SPSB1: variants seen among roughly 807,000 people sequenced by gnomAD.
The protein encoded by SPSB1 is SPRY domain-containing SOCS box protein 1.
A neutral mutation model predicts 21.2 loss-of-function variants in SPSB1; 8 were observed. The observed-to-expected ratio is 0.38, with a 90% CI of 0.22 to 0.68. The LOEUF is 0.68. Ranked by LOEUF, SPSB1 falls within the 30% of genes least tolerant of loss-of-function variation. The probability of loss-of-function intolerance (pLI) is 0.53; values close to 1 mark genes in which losing one functional copy is unlikely to be tolerated. For synonymous variants in SPSB1, 169 were observed against 161.7 expected, an observed-to-expected ratio of 1.05 and a Z score of -0.34; for missense variants, 242 against 377.8, an observed-to-expected ratio of 0.64 and a Z score of 2.98.
In SPSB1 at chr1:9,367,324, T is replaced by C; in HGVS notation, c.695-124T>C. 6.5e-7 allele frequency: 1 copy of C among 1,536,496 alleles called. No homozygotes were observed. Among genetic ancestry groups the C allele is most frequent in the Non-Finnish European group, 8.9e-7 (1 of 1,128,126 alleles). ...AATTTAAAATGAAAAAGCATTGCAT[T>C]TTTCATTGTTTCTTTACTGATTTGA... is the stretch of plus-strand genomic sequence containing the variant. On this transcript the variant is annotated intron_variant, in intron 2 of 2. Coordinates refer to ENST00000328089, the MANE Select transcript of SPSB1 (RefSeq NM_025106.4). The surrounding 1 kb of genome is among the most constrained non-coding windows in gnomAD (Gnocchi z 5.9).
chr1:9,355,598 A>G, intron 1 of SPSB1, 145 bp from the exon 2 acceptor site: 1 of 931,432 alleles, frequency 1.1e-6, no homozygotes, highest in East Asian at 4.2e-5. Context: ...TTCTGCGCCA[A>G]GGCTCCAGCC....
intron 1 of SPSB1, among the ~76,000 whole-genome samples, chr1:9,341,603 G>GTTGT (rs1370568464): frequency 6.6e-6 from 1 of 152,212 alleles, no homozygotes; most frequent in Non-Finnish European, 1.5e-5. Context: ...TCTTGTCCAT[G>GTTGT]TTGTTTGTTC....
chr1:9,361,439 G>A lies in SPSB1; in HGVS notation c.694+4854G>A, dbSNP rs531384718. Among the ~76,000 whole-genome samples the A allele has an allele frequency of 9.9e-5, 15 of 152,176 alleles. 1 individual carries two copies. In the South Asian group the frequency reaches 2.3e-3, roughly 23 times the overall value. The stretch of plus-strand genomic sequence containing the variant: ...CCCCTGGATTCGACTTCCACGAGGG[G>A]CAGCTGTTTGTAGGGCAGCTCCAGC... On this transcript the variant is annotated intron_variant, in intron 2 of 2. Transcript: ENST00000328089.
intron 1 of SPSB1, among the ~76,000 whole-genome samples, chr1:9,352,139 G>A (rs1569645083): frequency 1.3e-5 from 2 of 152,222 alleles, no homozygotes; most frequent in East Asian, 3.8e-4. Context: ...GGTTTAGGGA[G>A]CTCAGCCCAG....
At chr1:9,361,254 C>T (rs1321971118) in intron 2 of SPSB1, among the ~76,000 whole-genome samples, 2 of 147,410 alleles carry the variant, frequency 1.4e-5, no homozygotes, top group African/African-American at 5.1e-5. Flanking sequence ...CCTCCTGCCT[C>T]GGTCTTCCAA....
intron 1 of SPSB1, among the ~76,000 whole-genome samples, chr1:9,296,321 A>G (rs1033684050): frequency 1.3e-5 from 2 of 152,202 alleles, no homozygotes; most frequent in African/African-American, 4.8e-5. Flanking sequence ...TCTCGCGGCA[A>G]GGGAATGGTG....
At position 9,292,924 on chromosome 1, in the gene SPSB1, G is replaced by A. The variant is rs1639142341; in HGVS notation, c.-297G>A. 1 of 974,030 alleles carries A rather than the reference G, an allele frequency of 1.0e-6. No individual in the cohort carries two copies. The highest frequency in any genetic ancestry group is 1.2e-6 in the Non-Finnish European group (1 of 826,470). The allele number at this position is 974,030 out of a possible 1,614,324, so 60.3% of individuals were successfully genotyped here. ...GAAGTCGCGCTCGGGCAGCCTGCGC[G>A]CTCGCAGCAGGAACCAGGCTCCAGG... is the stretch of plus-strand genomic sequence containing the variant. On this transcript the variant is annotated 5_prime_UTR_variant, in exon 1 of 3. Coordinates refer to ENST00000328089, the MANE Select transcript of SPSB1 (RefSeq NM_025106.4).
intron 1 of SPSB1, among the ~76,000 whole-genome samples, chr1:9,355,508 C>G (rs1263275184): frequency 1.3e-5 from 2 of 152,248 alleles, no homozygotes; most frequent in Non-Finnish European, 2.9e-5. Flanking sequence ...ATCCCCCAAG[C>G]CCACCTCTCC....
At position 9,293,047 on chromosome 1, in the gene SPSB1, C is replaced by T. The variant is rs1473640010; in HGVS notation, c.-174C>T. 4.0e-5 allele frequency: 39 copies of T among 980,056 alleles called. No individual in the cohort carries two copies. In the African/African-American group the frequency reaches 6.2e-4, roughly 16 times the overall value. The allele number at this position is 980,056 out of a possible 1,614,324, so 60.7% of individuals were successfully genotyped here. On this transcript the variant is annotated 5_prime_UTR_variant, in exon 1 of 3. Transcript: ENST00000328089. The surrounding 1 kb of genome is among the most constrained non-coding windows in gnomAD (Gnocchi z 5.1). The stretch of plus-strand genomic sequence containing the variant: ...GAGCCTCCTCGGCCTTGGAGAGCAG[C>T]GGCGGCGGCGGCACCCCGGGCGCGG...
intron 1 of SPSB1, among the ~76,000 whole-genome samples, chr1:9,340,976 T>C (rs1194811986): frequency 6.6e-6 from 1 of 152,154 alleles, no homozygotes; most frequent in East Asian, 1.9e-4. Context: ...TTTCCAACAC[T>C]GGGCTGACTC....
chr1:9,365,302 C>T (rs1008907675), intron 2 of SPSB1, among the ~76,000 whole-genome samples: 2 of 151,812 alleles, frequency 1.3e-5, no homozygotes, highest in African/African-American at 2.4e-5. Context: ...TTTTTTGTAG[C>T]GATGAGGTCT....
chr1:9,353,735 A>G (rs896925109), intron 1 of SPSB1, among the ~76,000 whole-genome samples: 8 of 152,124 alleles, frequency 5.3e-5, no homozygotes, highest in Non-Finnish European at 2.9e-5. Flanking sequence ...CCTGGACAAC[A>G]TGGTGAAACC....
chr1:9,322,144 C>G (rs560820944), intron 1 of SPSB1, among the ~76,000 whole-genome samples: 2 of 152,116 alleles, frequency 1.3e-5, no homozygotes, highest in African/African-American at 4.8e-5. Flanking sequence ...TCCTGGTGGT[C>G]GAGGCTGGCT....
intron 2 of SPSB1, among the ~76,000 whole-genome samples, chr1:9,359,846 C>CGG (rs1220143426): frequency 0.014 from 517 of 37,508 alleles, 6 homozygotes; most frequent in African/African-American, 0.03. Flanking sequence ...AGGATGGAAG[C>CGG]CGGGGGGGTG....
At chr1:9,326,826 T>A (rs116243043) in intron 1 of SPSB1, among the ~76,000 whole-genome samples, 1 of 152,350 alleles carries the variant, frequency 6.6e-6, no homozygotes, top group Non-Finnish European at 1.5e-5. Flanking sequence ...TCGGAAAGGC[T>A]TATTGCCTCT....
In SPSB1 at chr1:9,302,622, G is replaced by A. The variant is rs543008775; in HGVS notation, c.-150+9551G>A. On this transcript the variant is annotated intron_variant, in intron 1 of 2. Coordinates refer to ENST00000328089, the MANE Select transcript of SPSB1 (RefSeq NM_025106.4). Reference sequence around the variant, plus strand: ...TCTGGGACTCGTACGAGTGGTCTCCGGAGTCTTTGACCTGGGACTGGGAAT... The same window carrying A: ...TCTGGGACTCGTACGAGTGGTCTCCAGAGTCTTTGACCTGGGACTGGGAAT... Among the ~76,000 whole-genome samples, 260 of 152,214 alleles carry A rather than the reference G, an allele frequency of 1.7e-3. 3 individuals are homozygous for A. The highest frequency in any genetic ancestry group is 0.013 in the South Asian group (64 of 4,818).
chr1:9,324,343 C>G lies in SPSB1; in HGVS notation c.-150+31272C>G, dbSNP rs1639777078. Among the ~76,000 whole-genome samples the G allele has an allele frequency of 6.6e-6, 1 of 152,170 alleles. No individual in the cohort carries two copies. ...GCTGTTGGTGGTGTGCCATCTGCGG[C>G]TCTGCTCTGGTGAGTTCTGCTGCGA... On this transcript the variant is annotated intron_variant, in intron 1 of 2. Transcript: ENST00000328089. This position sits in a 1 kb window ranked among gnomAD's most constrained non-coding sequence, Gnocchi z 4.3.
rs1639778537 is a variant in SPSB1, at chr1:9,324,434, T to C, written c.-149-31309T>C. Among the ~76,000 whole-genome samples the C allele has an allele frequency of 6.6e-6, 1 of 152,116 alleles. No individual in the cohort carries two copies. The highest frequency in any genetic ancestry group is 1.5e-5 in the Non-Finnish European group (1 of 68,010). ...GATGAGCGTGGGGGCGTCTGGTGCCTGGGTGCACATCCCTGGCTGTCCTCC... is the reference window on the plus strand; with the variant it reads ...GATGAGCGTGGGGGCGTCTGGTGCCCGGGTGCACATCCCTGGCTGTCCTCC... On this transcript the variant is annotated intron_variant, in intron 1 of 2. Coordinates refer to ENST00000328089, the MANE Select transcript of SPSB1 (RefSeq NM_025106.4). The surrounding 1 kb of genome is among the most constrained non-coding windows in gnomAD (Gnocchi z 4.3).
At position 9,321,422 on chromosome 1, in the gene SPSB1, G is replaced by A. The variant is rs946926036; in HGVS notation, c.-150+28351G>A. ...GAGAGCGGATCCTGTGTGATTTTAC[G>A]GAACTTGTCCTGACCCGTTATTCGT... On this transcript the variant is annotated intron_variant, in intron 1 of 2. Transcript: ENST00000328089. The surrounding 1 kb of genome is among the most constrained non-coding windows in gnomAD (Gnocchi z 4.8). Among the ~76,000 whole-genome samples, 3 of 152,118 alleles carry A rather than the reference G, an allele frequency of 2.0e-5. No individual in the cohort carries two copies. Among genetic ancestry groups the A allele is most frequent in the South Asian group, 2.1e-4 (1 of 4,824 alleles).
Sources: gnomAD v4.1 joint callset for allele counts (sites outside exome capture counted in the v4.1 genomes callset) on GRCh38, gnomAD v4.1.1 for gene constraint, Gnocchi (gnomAD v3.1) non-coding constraint, MANE v1.5 for transcripts, NCBI Gene and HGNC (gene_info 2026-07-23, HGNC 2026-07-21) for gene names.